Variants in WASHC2C observed in about 807,000 individuals in gnomAD.
WASHC2C encodes Vaccinia Penetration Factor.
A neutral mutation model predicts 142.2 loss-of-function variants in WASHC2C; 73 were observed. That is an observed-to-expected ratio of 0.51 (90% CI 0.43 to 0.62). The LOEUF (loss-of-function observed/expected upper bound fraction) is 0.62. Among genes scored for constraint, WASHC2C ranks in the 20% least tolerant of loss-of-function variants. The pLI is 0.00. For missense variants in WASHC2C, 969 were observed against 1,531.7 expected, an observed-to-expected ratio of 0.63 and a Z score of 6.13; for synonymous variants, 337 against 565.5, an observed-to-expected ratio of 0.60 and a Z score of 5.73.
chr10:45,762,701 C>T (rs1404795129), intron 17 of WASHC2C, among the ~76,000 whole-genome samples: 2 of 152,162 alleles, frequency 1.3e-5, no homozygotes, highest in East Asian at 3.9e-4. Context: ...GTCAGGAGAT[C>T]GAGACCATCC....
At chr10:45,788,584 C>A (rs1197362064) in intron 28 of WASHC2C, among the ~76,000 whole-genome samples, 1 of 152,108 alleles carries the variant, frequency 6.6e-6, no homozygotes, top group African/African-American at 2.4e-5. Flanking sequence ...AGGTTTCCAG[C>A]AACAGATGAA....
chr10:45,729,530 C>G (rs1564684541), intron 3 of WASHC2C, among the ~76,000 whole-genome samples: 3 of 152,028 alleles, frequency 2.0e-5, no homozygotes, highest in African/African-American at 7.3e-5. Context: ...GAGCTTAAAT[C>G]TATGTGTGAT....
chr10:45,778,916 GTTAC>G, intron 22 of WASHC2C, 33 bp from the exon 23 acceptor site: 1 of 933,290 alleles, frequency 1.1e-6, no homozygotes, highest in South Asian at 1.7e-5. Context: ...ATTTCCAGGT[GTTAC>G]TTATTTTTTC....
At chr10:45,753,782 C>T (rs1177061913) in intron 13 of WASHC2C, among the ~76,000 whole-genome samples, 1 of 148,928 alleles carries the variant, frequency 6.7e-6, no homozygotes, top group Non-Finnish European at 1.5e-5. Context: ...GCCACTGCAC[C>T]TGTCCCCTTG....
intron 15 of WASHC2C, among the ~76,000 whole-genome samples, 154 bp from the exon 16 acceptor site, chr10:45,756,858 G>C (rs2054366841): frequency 6.6e-6 from 1 of 152,158 alleles, no homozygotes; most frequent in African/African-American, 2.4e-5. Context: ...TCCAAGGGAA[G>C]AGTATAGTTC....
At chr10:45,758,707 A>G (rs1216685654) in intron 16 of WASHC2C, among the ~76,000 whole-genome samples, 1 of 150,816 alleles carries the variant, frequency 6.6e-6, no homozygotes, top group East Asian at 2.0e-4. Flanking sequence ...TCCTGGGTTC[A>G]AGCGATTCTC....
At chr10:45,784,289 T>TATATATACACACAC (rs1333007505) in intron 23 of WASHC2C, among the ~76,000 whole-genome samples, 1 of 17,720 alleles carries the variant, frequency 5.6e-5, no homozygotes. Context: ...TATATATATA[T>TATATATACACACAC]ACACATATAT....
rs377521845 is a variant in WASHC2C, at chr10:45,746,704, A to G, written c.732+57A>G. The G allele has an allele frequency of 1.4e-4, 230 of 1,591,118 alleles. 1 individual carries two copies. In the Middle Eastern group the frequency reaches 1.7e-3, roughly 12 times the overall value. On this transcript the variant is annotated intron_variant, in intron 8 of 30. Transcript: ENST00000623400. Reference sequence around the variant, plus strand: ...TTACATTTTAATTGAAGCATAGTATATATACTAAAATTACTTTGGAATGAT... The same window carrying G: ...TTACATTTTAATTGAAGCATAGTATGTATACTAAAATTACTTTGGAATGAT...
chr10:45,755,639 G>A (rs1427918777), intron 15 of WASHC2C, among the ~76,000 whole-genome samples: 5 of 152,382 alleles, frequency 3.3e-5, no homozygotes, highest in Non-Finnish European at 7.3e-5. Context: ...TAAATCATTT[G>A]TTTTTAAATG....
chr10:45,734,947 T>G (rs1455989425), intron 3 of WASHC2C, among the ~76,000 whole-genome samples: 2 of 151,948 alleles, frequency 1.3e-5, no homozygotes, highest in Non-Finnish European at 2.9e-5. Flanking sequence ...ATAGATAACC[T>G]TTATTGTGTA....
chr10:45,741,272 T>C, intron 5 of WASHC2C, among the ~76,000 whole-genome samples: 1 of 152,144 alleles, frequency 6.6e-6, no homozygotes, highest in Non-Finnish European at 1.5e-5. Context: ...AGTCATTCTG[T>C]AGCTGCACAT....
chr10:45,790,304 A>C, intron 29 of WASHC2C, 52 bp from the exon 30 acceptor site: 1 of 1,609,364 alleles, frequency 6.2e-7, no homozygotes, highest in Non-Finnish European at 8.5e-7. Flanking sequence ...GTTTGAGTTT[A>C]AAAAGAAAAA....
chr10:45,729,404 G>A (rs1282098011), intron 3 of WASHC2C, among the ~76,000 whole-genome samples: 1 of 152,166 alleles, frequency 6.6e-6, no homozygotes, highest in Non-Finnish European at 1.5e-5. Context: ...GTTGATTGGG[G>A]TCATTCTGTT....
chr10:45,763,995 C>T (rs1459557592), intron 18 of WASHC2C, among the ~76,000 whole-genome samples: 1 of 152,106 alleles, frequency 6.6e-6, no homozygotes, highest in Non-Finnish European at 1.5e-5. Context: ...AGCCACCGTG[C>T]CTGGCTTCTT....
intron 18 of WASHC2C, among the ~76,000 whole-genome samples, 181 bp from the exon 19 acceptor site, chr10:45,765,498 T>C (rs1312659368): frequency 1.3e-3 from 194 of 148,568 alleles, no homozygotes; most frequent in African/African-American, 4.7e-3. Flanking sequence ...CTTTCCCTTC[T>C]ATGGGTGCAG....
chr10:45,784,390 C>T (rs2057871239), intron 23 of WASHC2C, among the ~76,000 whole-genome samples, 175 bp from the exon 24 acceptor site: 1 of 140,708 alleles, frequency 7.1e-6, no homozygotes, highest in Non-Finnish European at 1.5e-5. Context: ...CCATAGCATT[C>T]CATTTTGTCA....
At chr10:45,740,477 T>C (rs1159273755) in intron 5 of WASHC2C, among the ~76,000 whole-genome samples, 2 of 152,210 alleles carry the variant, frequency 1.3e-5, no homozygotes, top group African/African-American at 4.8e-5. Flanking sequence ...GCATGGCCTC[T>C]ACTCTCGAGG....
intron 3 of WASHC2C, among the ~76,000 whole-genome samples, chr10:45,729,349 G>GT (rs1376018642): frequency 1.3e-5 from 2 of 152,190 alleles, no homozygotes; most frequent in Non-Finnish European, 2.9e-5. Context: ...AAGGACAGCT[G>GT]TTTACCTGGT....
At chr10:45,775,342 C>G (rs1554886028) in intron 21 of WASHC2C, among the ~76,000 whole-genome samples, 1 of 120,140 alleles carries the variant, frequency 8.3e-6, no homozygotes, top group African/African-American at 3.2e-5. Flanking sequence ...CAAAAATTAG[C>G]CAGGCATGGT....
Sources: gnomAD v4.1 joint callset for allele counts (sites outside exome capture counted in the v4.1 genomes callset) on GRCh38, gnomAD v4.1.1 for gene constraint, MANE v1.5 for transcripts, NCBI Gene and HGNC (gene_info 2026-07-23, HGNC 2026-07-21) for gene names.